Variants in DOCK1 observed in about 807,000 individuals in gnomAD.
DOCK1 encodes the protein dedicator of cytokinesis 1.
A neutral mutation model predicts 262.7 loss-of-function variants in DOCK1; 138 were observed. The observed-to-expected ratio is 0.53, with a 90% confidence interval of 0.46 to 0.61. The LOEUF is 0.61. Among genes scored for constraint, DOCK1 ranks in the 20% least tolerant of loss-of-function variants. DOCK1 has a pLI of 0.00. For missense variants in DOCK1, 1,908 were observed against 2,370.7 expected (o/e 0.80, Z 4.05); for synonymous variants, 866 against 867.4 (o/e 1.00, Z 0.03).
intron 1 of DOCK1, among the ~76,000 whole-genome samples, chr10:126,949,234 A>C (rs1242302908): frequency 1.3e-5 from 2 of 152,104 alleles, no homozygotes; most frequent in Non-Finnish European, 2.9e-5. Context: ...TAACACACCC[A>C]GCTCCTGCTC....
chr10:127,334,018 AT>A (rs200400938), intron 29 of DOCK1, among the ~76,000 whole-genome samples: 2 of 152,168 alleles, frequency 1.3e-5, no homozygotes, highest in East Asian at 3.9e-4. Context: ...CTTGAGCAAC[AT>A]TTTTTTTGTT....
Position 127,437,415 on chromosome 10 carries a change from C to T in DOCK1, c.5061-1612C>T, listed in dbSNP as rs902147178. Among the ~76,000 whole-genome samples, 5 of 151,896 alleles carry T rather than the reference C, an allele frequency of 3.3e-5. No individual in the cohort carries two copies. The highest frequency in any genetic ancestry group is 7.4e-5 in the Non-Finnish European group (5 of 67,998). On this transcript the variant is annotated intron_variant, in intron 48 of 51. Transcript: ENST00000623213. The surrounding 1 kb of genome is among the most constrained non-coding windows in gnomAD (Gnocchi z 4.4). ...TCATCTTACTCCCCATTATGGGACA[C>T]ACAACATGGAAATAATCAACAGTGA...
At chr10:127,075,621 G>T (rs964209808) in intron 23 of DOCK1, among the ~76,000 whole-genome samples, 1 of 152,172 alleles carries the variant, frequency 6.6e-6, no homozygotes, top group Non-Finnish European at 1.5e-5. Flanking sequence ...GGAGGAAGAC[G>T]AAGGGGAAGC....
intron 18 of DOCK1, 127 bp from the exon 19 acceptor site, chr10:127,037,592 T>C: frequency 1.4e-6 from 1 of 695,860 alleles, no homozygotes; most frequent in South Asian, 2.1e-5. Flanking sequence ...AGCAGGTGAA[T>C]CTTTTAAAAT....
intron 29 of DOCK1, among the ~76,000 whole-genome samples, chr10:127,331,607 G>T (rs2062986302): frequency 6.6e-6 from 1 of 152,142 alleles, no homozygotes; most frequent in Non-Finnish European, 1.5e-5. Context: ...AGTCTTCTCT[G>T]GGGTCCCTTT....
At chr10:127,367,410 G>A (rs2064982474) in intron 33 of DOCK1, among the ~76,000 whole-genome samples, 1 of 152,164 alleles carries the variant, frequency 6.6e-6, no homozygotes, top group South Asian at 2.1e-4. Flanking sequence ...GGGGTGGCAT[G>A]GAGTTATCCT....
chr10:126,990,776 C>A (rs1031370904), intron 6 of DOCK1, among the ~76,000 whole-genome samples, 173 bp downstream of exon 6: 8 of 152,160 alleles, frequency 5.3e-5, no homozygotes, highest in African/African-American at 1.9e-4. Flanking sequence ...GGATTCTGAA[C>A]TGGGGAATTT....
chr10:127,379,993 C>G, intron 35 of DOCK1, 89 bp from the exon 36 acceptor site: 1 of 920,174 alleles, frequency 1.1e-6, no homozygotes, highest in Non-Finnish European at 1.7e-6. Flanking sequence ...GTGTTTGACA[C>G]AAGATGAAGT....
chr10:127,055,394 C>G (rs535504924), intron 22 of DOCK1, among the ~76,000 whole-genome samples: 1 of 152,284 alleles, frequency 6.6e-6, no homozygotes, highest in East Asian at 1.9e-4. Flanking sequence ...GCTGTGCCAG[C>G]TATTCTTCTT....
chr10:127,342,048 T>C (rs1386967819), intron 30 of DOCK1, among the ~76,000 whole-genome samples: 1 of 152,126 alleles, frequency 6.6e-6, no homozygotes, highest in Non-Finnish European at 1.5e-5. Context: ...AAAAGAAGCA[T>C]TCGTGTTTTG....
At chr10:127,026,814 C>T (rs1409222349) in intron 16 of DOCK1, among the ~76,000 whole-genome samples, 1 of 152,150 alleles carries the variant, frequency 6.6e-6, no homozygotes, top group Admixed American at 6.5e-5. Context: ...TCCTTGGTGG[C>T]CCTTGCTGTC....
intron 23 of DOCK1, among the ~76,000 whole-genome samples, chr10:127,075,678 T>G (rs1301186809): frequency 6.6e-6 from 1 of 151,966 alleles, no homozygotes; most frequent in African/African-American, 2.4e-5. Flanking sequence ...GAGGGGGAAG[T>G]GACACACACT....
chr10:127,294,257 A>G (rs970793303), intron 29 of DOCK1, among the ~76,000 whole-genome samples: 1 of 152,120 alleles, frequency 6.6e-6, no homozygotes, highest in African/African-American at 2.4e-5. Context: ...CCCAGAGACC[A>G]TTATTTGCAC....
intron 10 of DOCK1, chr10:127,000,762 TTGGTGTTCTTCCTCCGCCA>T (rs953488115): frequency 1.9e-5 from 2 of 102,766 alleles, no homozygotes; most frequent in Non-Finnish European, 4.4e-5. Flanking sequence ...CTCCGCCATG[TTGGTGTTCTTCCTCCGCCA>T]TGTTGGTGTT....
intron 29 of DOCK1, among the ~76,000 whole-genome samples, chr10:127,321,237 G>A (rs377127523): frequency 0.029 from 451 of 15,472 alleles, 9 homozygotes; most frequent in Middle Eastern, 0.1. Context: ...TCCCCTCCCC[G>A]TCCTCCCCCT....
At chr10:127,215,620 G>A (rs1324506407) in intron 27 of DOCK1, among the ~76,000 whole-genome samples, 1 of 152,100 alleles carries the variant, frequency 6.6e-6, no homozygotes, top group Non-Finnish European at 1.5e-5. Flanking sequence ...CTTTGATAAT[G>A]CTTTTTGACT....
intron 29 of DOCK1, among the ~76,000 whole-genome samples, chr10:127,325,839 G>C (rs1296676837): frequency 6.6e-6 from 1 of 152,148 alleles, no homozygotes; most frequent in Non-Finnish European, 1.5e-5. Flanking sequence ...TTAACTCTTT[G>C]AATGTTCAGT....
chr10:126,927,452 T>C (rs942980058), intron 1 of DOCK1, among the ~76,000 whole-genome samples: 3 of 152,064 alleles, frequency 2.0e-5, no homozygotes, highest in African/African-American at 7.2e-5. Context: ...CATTCTTTTT[T>C]TTTTGAGACA....
chr10:127,348,862 A>G (rs530012721), intron 31 of DOCK1, among the ~76,000 whole-genome samples: 10 of 152,268 alleles, frequency 6.6e-5, no homozygotes, highest in African/African-American at 2.2e-4. Flanking sequence ...ACCTAATCAG[A>G]AGCTGCAATT....
Sources: allele counts gnomAD v4.1 joint callset (sites outside exome capture counted in the v4.1 genomes callset), GRCh38; gene constraint gnomAD v4.1.1; non-coding constraint Gnocchi (gnomAD v3.1); transcripts MANE v1.5; gene names NCBI Gene and HGNC (gene_info 2026-07-23, HGNC 2026-07-21).